FANCC: variants seen among roughly 807,000 people sequenced by gnomAD.
The protein encoded by FANCC is Fanconi anemia group C protein.
A neutral mutation model predicts 71.3 loss-of-function variants in FANCC; 55 were observed. That is an observed-to-expected ratio of 0.77 (90% CI 0.62 to 0.97). FANCC has a LOEUF of 0.97. FANCC is among the 50% of genes least tolerant of loss of function. The pLI is 0.00. For synonymous variants in FANCC, 275 were observed against 244.9 expected (o/e 1.12, Z -1.15); for missense variants, 678 against 670.9 (o/e 1.01, Z -0.12).
At chr9:95,227,813 C>T (rs1341962645) in intron 4 of FANCC, among the ~76,000 whole-genome samples, 1 of 152,212 alleles carries the variant, frequency 6.6e-6, no homozygotes, top group African/African-American at 2.4e-5. Flanking sequence ...GGCCATTCTT[C>T]TTATCATTAG....
At chr9:95,222,035 A>T (rs1481866828) in intron 4 of FANCC, among the ~76,000 whole-genome samples, 1 of 152,080 alleles carries the variant, frequency 6.6e-6, no homozygotes, top group Non-Finnish European at 1.5e-5. Context: ...AAACTTTTAC[A>T]AAAAATGTTC....
chr9:95,244,678 CAAAAAAAAAAAAAAAAA>C lies in FANCC; in HGVS notation c.250+2737_250+2753del, dbSNP rs576605250. On this transcript the variant is annotated intron_variant, in intron 3 of 14. Transcript: ENST00000289081. ...TAGGCAACAGAGCAAGACTTTGTCT[CAAAAAAAAAAAAAAAAA>C]AAAAAAAAAAAAAAAAAACCCAACA... is the stretch of plus-strand genomic sequence containing the variant. Among the ~76,000 whole-genome samples, 301 of 41,612 alleles carry C rather than the reference CAAAAAAAAAAAAAAAAA, an allele frequency of 7.2e-3. 5 individuals are homozygous for C. Among genetic ancestry groups the C allele is most frequent in the African/African-American group, 0.027 (270 of 10,100 alleles). The allele number at this position is 41,612 out of a possible 152,430, so 27.3% of individuals were successfully genotyped here. A position where few individuals can be genotyped will look rare whatever the true frequency, so the allele number is the denominator to read the frequency against.
At chr9:95,110,712 T>C in intron 13 of FANCC, 2 of 1,060,694 alleles carry the variant, frequency 1.9e-6, no homozygotes, top group Non-Finnish European at 2.3e-6. Context: ...AAAATGAGCC[T>C]TGTCCTCTTT....
At chr9:95,287,751 C>A (rs774171906) in intron 1 of FANCC, among the ~76,000 whole-genome samples, 4 of 152,160 alleles carry the variant, frequency 2.6e-5, no homozygotes, top group Non-Finnish European at 4.4e-5. Flanking sequence ...AATTGCTCTT[C>A]AAGGAATTAA....
chr9:95,291,012 T>G (rs1201098194), intron 1 of FANCC, among the ~76,000 whole-genome samples: 2 of 152,132 alleles, frequency 1.3e-5, no homozygotes, highest in Non-Finnish European at 1.5e-5. Flanking sequence ...GAAAGAGCAT[T>G]TGACAAAATT....
chr9:95,172,144 C>CA lies in FANCC; in HGVS notation c.348dup (p.Val117CysfsTer12), dbSNP rs760518436. 1.9e-6 allele frequency: 3 copies of CA among 1,598,306 alleles called. No individual in the cohort carries two copies. On this transcript the variant is annotated frameshift_variant, in exon 5 of 15. Transcript: ENST00000289081. LOFTEE classifies it high-confidence loss of function. ...AGTGCTGAAAGTATATGAGATAATA[C>CA]ACCCTAAAAAACATAAACAGAAAAA...
At chr9:95,248,953 T>A (rs1306305475) in intron 2 of FANCC, among the ~76,000 whole-genome samples, 174 bp downstream of exon 2, 1 of 152,132 alleles carries the variant, frequency 6.6e-6, no homozygotes. Flanking sequence ...GAAATTATAA[T>A]AATATAATAA....
rs879890596 is a variant in FANCC at position 95,099,176 on chromosome 9, C to T, written c.*2531G>A. 10 of 216,434 alleles carry T rather than the reference C, an allele frequency of 4.6e-5. No individual in the cohort carries two copies. Among genetic ancestry groups the T allele is most frequent in the African/African-American group, 6.8e-5 (3 of 44,324 alleles). The allele number at this position is 216,434 out of a possible 1,614,324, so 13.4% of individuals were successfully genotyped here. On this transcript the variant is annotated 3_prime_UTR_variant, in exon 15 of 15. Coordinates refer to ENST00000289081, the MANE Select transcript of FANCC (RefSeq NM_000136.3). Reference sequence around the variant, plus strand: ...GGGAATAACAGCCTGGTTGGAGGGGCGCTCTCCGCCTCTTCTGTATTTTTG... The same window carrying T: ...GGGAATAACAGCCTGGTTGGAGGGGTGCTCTCCGCCTCTTCTGTATTTTTG...
At chr9:95,158,282 C>T (rs1830556200) in intron 6 of FANCC, among the ~76,000 whole-genome samples, 1 of 152,144 alleles carries the variant, frequency 6.6e-6, no homozygotes, top group Admixed American at 6.6e-5. Context: ...ACAACTCATG[C>T]TAAATGTGTC....
At chr9:95,180,434 G>A (rs918707179) in intron 4 of FANCC, among the ~76,000 whole-genome samples, 3 of 150,690 alleles carry the variant, frequency 2.0e-5, no homozygotes, top group African/African-American at 7.3e-5. Flanking sequence ...TCAACTCGTG[G>A]GTTCAAGCAA....
intron 1 of FANCC, chr9:95,294,732 C>T: frequency 6.2e-7 from 1 of 1,602,718 alleles, no homozygotes; most frequent in Non-Finnish European, 8.5e-7. Context: ...CTGATATGGC[C>T]TGGAACATGA....
At chr9:95,284,373 T>C (rs545799715) in intron 1 of FANCC, among the ~76,000 whole-genome samples, 86 of 152,316 alleles carry the variant, frequency 5.6e-4, no homozygotes, top group African/African-American at 2.0e-3. Context: ...GACAGTTTGG[T>C]CGGCTGTCAA....
chr9:95,179,653 C>G (rs1826220837), intron 4 of FANCC, among the ~76,000 whole-genome samples: 1 of 152,096 alleles, frequency 6.6e-6, no homozygotes, highest in East Asian at 1.9e-4. Context: ...AGCCGGTATT[C>G]TATTCTTAAG....
At chr9:95,186,375 C>T (rs1356748206) in intron 4 of FANCC, 1 of 152,286 alleles carries the variant, frequency 6.6e-6, no homozygotes, top group African/African-American at 2.4e-5. Context: ...TGCCAGGAGC[C>T]CCCTCACAAG....
rs58211170 is a variant in FANCC, at chr9:95,264,981, C to CTT, written c.-78-15614_-78-15613dup. ...GGTCAATTTACCCCTGTGTTTGTGG[C>CTT]TTTTTTTTTTTTTTTGAAAGTCACA... On this transcript the variant is annotated intron_variant, in intron 1 of 14. Coordinates refer to ENST00000289081, the MANE Select transcript of FANCC (RefSeq NM_000136.3). Among the ~76,000 whole-genome samples, 77 of 132,860 alleles carry CTT rather than the reference C, an allele frequency of 5.8e-4. No individual in the cohort carries two copies. In the East Asian group the frequency reaches 0.011, roughly 19 times the overall value. The allele number at this position is 132,860 out of a possible 152,430, so 87.2% of individuals were successfully genotyped here. A position where few individuals can be genotyped will look rare whatever the true frequency, so the allele number is the denominator to read the frequency against.
intron 14 of FANCC, among the ~76,000 whole-genome samples, chr9:95,103,957 T>TA (rs2071249114): frequency 6.6e-6 from 1 of 152,168 alleles, no homozygotes; most frequent in South Asian, 2.1e-4. Context: ...GATGCCAAGA[T>TA]AGAGGGCAGA....
chr9:95,181,137 TACACAC>T (rs201464525), intron 4 of FANCC, among the ~76,000 whole-genome samples: 7 of 141,626 alleles, frequency 4.9e-5, no homozygotes, highest in African/African-American at 1.6e-4. Flanking sequence ...TATATACACA[TACACAC>T]ACACACACGT....
chr9:95,271,153 G>C (rs1280090427), intron 1 of FANCC, among the ~76,000 whole-genome samples: 2 of 152,160 alleles, frequency 1.3e-5, no homozygotes, highest in Admixed American at 6.5e-5. Flanking sequence ...AGTGGGCAGA[G>C]GCCAGGTACA....
intron 4 of FANCC, among the ~76,000 whole-genome samples, chr9:95,228,227 G>A (rs537501378): frequency 6.6e-6 from 1 of 152,326 alleles, no homozygotes; most frequent in African/African-American, 2.4e-5. Flanking sequence ...GCAGGGGCAT[G>A]CGGAGCATGA....
Sources: gnomAD v4.1 joint callset for allele counts (sites outside exome capture counted in the v4.1 genomes callset) on GRCh38, gnomAD v4.1.1 for gene constraint, MANE v1.5 for transcripts, NCBI Gene and HGNC (gene_info 2026-07-23, HGNC 2026-07-21) for gene names.